Variants in TMEM232 observed in about 807,000 individuals in gnomAD.
The protein encoded by TMEM232 is transmembrane protein 232.
In TMEM232, 80 loss-of-function variants were observed where a neutral mutation model predicts 78.8. The ratio of observed to expected loss-of-function variants is 1.01; its 90% CI spans 0.85 to 1.22. The LOEUF is 1.22. Among genes scored for constraint, TMEM232 ranks in the 50% most tolerant of loss-of-function variants. TMEM232 has a pLI of 0.00. For synonymous variants in TMEM232, 297 were observed against 254.3 expected, an observed-to-expected ratio of 1.17 and a Z score of -1.60; for missense variants, 881 against 742.2, an observed-to-expected ratio of 1.19 and a Z score of -2.17.
chr5:110,528,458 G>GT, intron 12 of TMEM232, 130 bp downstream of exon 12: 1 of 875,676 alleles, frequency 1.1e-6, no homozygotes, highest in Non-Finnish European at 1.6e-6. Flanking sequence ...CATCTAAGAG[G>GT]TGATCAAGCC....
At chr5:110,714,488 TTG>T (rs1447443535) in intron 1 of TMEM232, among the ~76,000 whole-genome samples, 1 of 152,144 alleles carries the variant, frequency 6.6e-6, no homozygotes, top group Non-Finnish European at 1.5e-5. Context: ...TGGGGTAAGT[TTG>T]TGTTTCCCAG....
chr5:110,403,742 A>G (rs1382332818), intron 2 of TMEM232, among the ~76,000 whole-genome samples: 1 of 151,922 alleles, frequency 6.6e-6, no homozygotes. Flanking sequence ...ACCTTTGAAA[A>G]TCAGTAAGCC....
At chr5:110,671,730 C>T (rs1238470163) in intron 1 of TMEM232, among the ~76,000 whole-genome samples, 1 of 152,116 alleles carries the variant, frequency 6.6e-6, no homozygotes, top group African/African-American at 2.4e-5. Context: ...GAACATCACA[C>T]ACCAGGGTCA....
At chr5:110,549,605 C>CAAAAAAAAAAAAAA in intron 11 of TMEM232, among the ~76,000 whole-genome samples, 1 of 45,448 alleles carries the variant, frequency 2.2e-5, no homozygotes, top group Non-Finnish European at 4.6e-5. Flanking sequence ...GTCCCTGTCT[C>CAAAAAAAAAAAAAA]AAAAAAAAAA....
At chr5:110,587,689 A>ATGTG (rs1313192902) in intron 10 of TMEM232, among the ~76,000 whole-genome samples, 1,580 of 52,890 alleles carry the variant, frequency 0.03, 3 homozygotes, top group Non-Finnish European at 0.041. Context: ...ATATATATAT[A>ATGTG]TATGTGTGTG....
At chr5:110,593,125 C>T (rs1430377182) in intron 10 of TMEM232, among the ~76,000 whole-genome samples, 1 of 152,162 alleles carries the variant, frequency 6.6e-6, no homozygotes, top group Admixed American at 6.6e-5. Flanking sequence ...TGTGAGCTCA[C>T]ATAGTTGTCC....
chr5:110,456,221 G>A lies in TMEM232; in HGVS notation c.1704-31305C>T, dbSNP rs188869091. Among the ~76,000 whole-genome samples the A allele has an allele frequency of 2.0e-5, 3 of 152,232 alleles. No individual in the cohort carries two copies. In the East Asian group the frequency reaches 5.8e-4, roughly 29 times the overall value. On this transcript the variant is annotated intron_variant, in intron 12 of 13. Transcript: ENST00000455884. ...GAACTAGTGAGTTTAGCAAGGTTTAGTGATAAAAGGCCAGTATACAAAAAC... is the reference window on the plus strand; with the variant it reads ...GAACTAGTGAGTTTAGCAAGGTTTAATGATAAAAGGCCAGTATACAAAAAC...
chr5:110,570,330 T>G (rs4449587), intron 10 of TMEM232, among the ~76,000 whole-genome samples: 4,111 of 152,080 alleles, frequency 0.027, 80 homozygotes, highest in Non-Finnish European at 0.043. Flanking sequence ...AAGCCCAAAT[T>G]TAAGGTTTTG....
intron 10 of TMEM232, among the ~76,000 whole-genome samples, chr5:110,590,868 A>C (rs1199624727): frequency 6.6e-6 from 1 of 152,140 alleles, no homozygotes; most frequent in Non-Finnish European, 1.5e-5. Context: ...AGAGCAAAGA[A>C]GAAACTTCCA....
At position 110,618,543 on chromosome 5, in the gene TMEM232, T is replaced by C. The variant is rs748002514; in HGVS notation, c.788A>G (p.His263Arg). 1.3e-6 allele frequency: 2 copies of C among 1,548,816 alleles called. No individual in the cohort carries two copies. Among genetic ancestry groups the C allele is most frequent in the Admixed American group, 2.0e-5 (1 of 50,150 alleles). The change falls in exon 8 of 14, where the codon CAC becomes CGC. Residue 263 changes from histidine (H) to arginine (R), a missense_variant. By Grantham distance (29) the His-to-Arg change is conservative. Coordinates refer to ENST00000455884, the MANE Select transcript of TMEM232 (RefSeq NM_001039763.4). ...AGCAGCAACACAGTGCCAGAGCAGG[T>C]GGTTAATTTCATATCCTCCCTGATT... ...DSDMGGYEIN[H>R]LLWHCVAAWS...
chr5:110,529,235 A>T (rs1249947283), intron 11 of TMEM232, among the ~76,000 whole-genome samples: 2 of 152,040 alleles, frequency 1.3e-5, no homozygotes, highest in Non-Finnish European at 2.9e-5. Flanking sequence ...TGTTCTTGAT[A>T]TCAACAGAGC....
At chr5:110,500,366 T>G (rs1485173720) in intron 12 of TMEM232, among the ~76,000 whole-genome samples, 1 of 150,994 alleles carries the variant, frequency 6.6e-6, no homozygotes, top group Non-Finnish European at 1.5e-5. Context: ...AAGTATAACC[T>G]CTAATAAGAA....
At chr5:110,640,757 TA>T in intron 4 of TMEM232, 133 bp downstream of exon 4, 1 of 461,144 alleles carries the variant, frequency 2.2e-6, no homozygotes, top group Non-Finnish European at 3.7e-6. Context: ...ATTTTCATAA[TA>T]AAATGTATTT....
chr5:110,470,197 C>T (rs889280065), intron 12 of TMEM232, among the ~76,000 whole-genome samples: 29 of 152,116 alleles, frequency 1.9e-4, no homozygotes, highest in Non-Finnish European at 8.8e-5. Flanking sequence ...ACCCAAACAT[C>T]TAGAAAACCT....
chr5:110,543,347 G>A (rs1365506918), intron 11 of TMEM232, among the ~76,000 whole-genome samples: 1 of 152,072 alleles, frequency 6.6e-6, no homozygotes, highest in Non-Finnish European at 1.5e-5. Context: ...TGATGTCCGT[G>A]CCCTTTGTCT....
At chr5:110,532,755 G>C (rs186583262) in intron 11 of TMEM232, among the ~76,000 whole-genome samples, 26 of 151,630 alleles carry the variant, frequency 1.7e-4, no homozygotes, top group Non-Finnish European at 2.9e-4. Flanking sequence ...ACTCTACCCC[G>C]TCCTTGGCGA....
chr5:110,483,148 A>T (rs924658375), intron 12 of TMEM232, among the ~76,000 whole-genome samples: 5 of 152,196 alleles, frequency 3.3e-5, no homozygotes, highest in African/African-American at 1.2e-4. Flanking sequence ...TGAAATTTAC[A>T]TGATAATAAC....
chr5:110,718,845 C>T (rs1020082934), intron 1 of TMEM232, among the ~76,000 whole-genome samples: 7 of 151,960 alleles, frequency 4.6e-5, no homozygotes, highest in African/African-American at 1.5e-4. Context: ...TCTTCAAGTA[C>T]ACTGATTATT....
At chr5:110,567,945 C>A (rs1034498752) in intron 11 of TMEM232, among the ~76,000 whole-genome samples, 1 of 152,000 alleles carries the variant, frequency 6.6e-6, no homozygotes, top group Non-Finnish European at 1.5e-5. Context: ...CTTTTGGCAG[C>A]CCTTGCTATG....
Sources: allele counts gnomAD v4.1 joint callset (sites outside exome capture counted in the v4.1 genomes callset), GRCh38; gene constraint gnomAD v4.1.1; transcripts MANE v1.5; gene names NCBI Gene and HGNC (gene_info 2026-07-23, HGNC 2026-07-21).